Variants in MTA2 observed in about 807,000 individuals in gnomAD.
MTA2 encodes the protein metastasis associated 1 family member 2.
In MTA2, 22 loss-of-function variants were observed where a neutral mutation model predicts 87.1. The ratio of observed to expected loss-of-function variants is 0.25; its 90% CI spans 0.18 to 0.36. The LOEUF (loss-of-function observed/expected upper bound fraction) is 0.36. Ranked by LOEUF, MTA2 falls within the 10% of genes least tolerant of loss-of-function variation. The pLI is 1.00. For missense variants in MTA2, 542 were observed against 853.2 expected, an observed-to-expected ratio of 0.64 and a Z score of 4.54; for synonymous variants, 314 against 310.1, an observed-to-expected ratio of 1.01 and a Z score of -0.13.
At position 62,595,809 on chromosome 11, in the gene MTA2, C is replaced by T; in HGVS notation, c.1197G>A (p.Lys399=). The change falls in exon 13 of 18, where the codon AAG becomes AAA. Residue 399 remains lysine, a synonymous_variant. Transcript: ENST00000278823. This position sits in a 1 kb window ranked among gnomAD's most constrained non-coding sequence, Gnocchi z 4.9. ...RLCASCWIYW[K]KYGGLKTPTQ... is the part of the protein sequence containing the mutation. ...TTGGGGTCTTCAGTCCCCCATACTT[C>T]TTCCAGTAGATCCAACAGGAAGCAC... 1.2e-6 allele frequency: 2 copies of T among 1,614,238 alleles called. No homozygotes were observed. Among genetic ancestry groups the T allele is most frequent in the Non-Finnish European group, 1.7e-6 (2 of 1,180,044 alleles).
Position 62,595,386 on chromosome 11 carries a change from A to C in MTA2, c.1361T>G (p.Phe454Cys). Reference protein sequence around the residue: ...AKLLAKNRQTFLLQTTKLTRL... With the variant: ...AKLLAKNRQTCLLQTTKLTRL... ...GGTCAGCTTTGTGGTCTGAAGCAGG[A>C]AAGTTTGTCTGTTCTTAGCCAGTAG... The change falls in exon 14 of 18, where the codon TTC (phenylalanine) becomes TGC (cysteine). Residue 454 changes from phenylalanine to cysteine, a missense_variant. Physicochemically the swap from Phe to Cys is radical, Grantham distance 205 (BLOSUM62 -2). Coordinates refer to ENST00000278823, the MANE Select transcript of MTA2 (RefSeq NM_004739.4). The surrounding 1 kb of genome is among the most constrained non-coding windows in gnomAD (Gnocchi z 4.9). 6.2e-7 allele frequency: 1 copy of C among 1,614,236 alleles called. No individual in the cohort carries two copies. Among genetic ancestry groups the C allele is most frequent in the Non-Finnish European group, 8.5e-7 (1 of 1,180,044 alleles).
At chr11:62,600,516 C>G (rs1011443274) in intron 2 of MTA2, 106 bp downstream of exon 2, 43 of 1,074,886 alleles carry the variant, frequency 4.0e-5, no homozygotes, top group Middle Eastern at 4.1e-4. Context: ...AATGAATGAA[C>G]GAATATGAAT....
chr11:62,600,374 A>C, intron 2 of MTA2, 115 bp from the exon 3 acceptor site: 2 of 947,046 alleles, frequency 2.1e-6, no homozygotes, highest in South Asian at 3.1e-5. Context: ...CCTAAATTAA[A>C]AAGCCCAAGA....
In MTA2 at chr11:62,595,670, A is replaced by T. The variant is rs1019209830; in HGVS notation, c.1254+82T>A. 1 of 1,575,426 alleles carries T rather than the reference A, an allele frequency of 6.3e-7. No homozygotes were observed. Among genetic ancestry groups the T allele is most frequent in the Non-Finnish European group, 8.6e-7 (1 of 1,157,226 alleles). ...TCCATCAAACCATCACCATATAAAG[A>T]GTTGAATATTCTGGCCTTCACCTAA... is the stretch of plus-strand genomic sequence containing the variant. On this transcript the variant is annotated intron_variant, in intron 13 of 17. Transcript: ENST00000278823. The surrounding 1 kb of genome is among the most constrained non-coding windows in gnomAD (Gnocchi z 4.9).
chr11:62,601,312 G>T, intron 1 of MTA2, 111 bp downstream of exon 1: 2 of 1,360,190 alleles, frequency 1.5e-6, no homozygotes, highest in Non-Finnish European at 2.0e-6. Context: ...TCCGCGCTCC[G>T]GTCCACGCTG....
At position 62,601,667 on chromosome 11, in the gene MTA2, G is replaced by C; in HGVS notation, c.-217C>G. On this transcript the variant is annotated 5_prime_UTR_variant, in exon 1 of 18. Transcript: ENST00000278823. ...TATCGCCTCACTCCCGGGACGCTGA[G>C]GCTGGCCCCCGTCCGCTCGGCTTCT... is the stretch of plus-strand genomic sequence containing the variant. 3.6e-6 allele frequency: 2 copies of C among 551,652 alleles called. No individual in the cohort carries two copies. The highest frequency in any genetic ancestry group is 6.2e-6 in the Non-Finnish European group (2 of 322,354). 34.2% of individuals were successfully genotyped at this position (551,652 alleles called of 1,614,324 possible). A position where few individuals can be genotyped will look rare whatever the true frequency, so the allele number is the denominator to read the frequency against.
At chr11:62,596,865 T>C in intron 8 of MTA2, 40 bp from the exon 9 acceptor site, 2 of 1,561,982 alleles carry the variant, frequency 1.3e-6, no homozygotes, top group Non-Finnish European at 1.7e-6. Flanking sequence ...CCTGAAACTT[T>C]TGGCACCACT....
In MTA2 at chr11:62,601,581, C is replaced by T. The variant is rs1476041835; in HGVS notation, c.-131G>A. ...GGAGTCTCACTGGGGCCCGCGCAGC[C>T]GGCACCTCCGCTGCCTCAGCCGTCG... On this transcript the variant is annotated 5_prime_UTR_variant, in exon 1 of 18. Coordinates refer to ENST00000278823, the MANE Select transcript of MTA2 (RefSeq NM_004739.4). The T allele has an allele frequency of 1.9e-6, 2 of 1,064,262 alleles. No individual in the cohort carries two copies. The highest frequency in any genetic ancestry group is 2.6e-6 in the Non-Finnish European group (2 of 767,966). The allele number at this position is 1,064,262 out of a possible 1,614,324, so 65.9% of individuals were successfully genotyped here.
chr11:62,597,945 A>G (rs1410481981), intron 6 of MTA2, 79 bp downstream of exon 6: 4 of 1,314,492 alleles, frequency 3.0e-6, no homozygotes, highest in Middle Eastern at 3.6e-4. Flanking sequence ...AGGTGACGCC[A>G]TTCACAGAGA....
In MTA2 at chr11:62,600,253, T is replaced by G. The variant is rs756330832; in HGVS notation, c.103A>C (p.Asn35His). The G allele has an allele frequency of 1.2e-6, 2 of 1,613,976 alleles. No individual in the cohort carries two copies. Among genetic ancestry groups the G allele is most frequent in the South Asian group, 1.1e-5 (1 of 91,084 alleles). Reference sequence around the variant, plus strand: ...ACAACCTTTGCCTCCACATTTCCATTTGCAGTCTAAGGGGAGGAAAAAAAC... The same window carrying G: ...ACAACCTTTGCCTCCACATTTCCATGTGCAGTCTAAGGGGAGGAAAAAAAC... ...RRIEELNKTA[N>H]GNVEAKVVCL... The change falls in exon 3 of 18, where the codon AAT (asparagine) becomes CAT (histidine). Residue 35 changes from asparagine (N) to histidine (H), a missense_variant. Asn to His is a moderately conservative substitution (Grantham distance 68). Transcript: ENST00000278823.
At position 62,594,411 on chromosome 11, in the gene MTA2, GA is replaced by G; in HGVS notation, c.1693-5del. ...AAGGAACCCCTGCCCCTGCCATCTG[GA>G]AAAGGGGTAGGATGGCACAATGAGG... On this transcript the variant is annotated splice_region_variant and splice_polypyrimidine_tract_variant and intron_variant, in intron 16 of 17. Coordinates refer to ENST00000278823, the MANE Select transcript of MTA2 (RefSeq NM_004739.4). The G allele has an allele frequency of 6.2e-7, 1 of 1,614,132 alleles. No homozygotes were observed. Among genetic ancestry groups the G allele is most frequent in the Non-Finnish European group, 8.5e-7 (1 of 1,180,022 alleles).
rs1755435763 is a variant in MTA2 at position 62,596,831 on chromosome 11, G to A, written c.694-6C>T. 2 of 1,592,078 alleles carry A rather than the reference G, an allele frequency of 1.3e-6. No homozygotes were observed. Among genetic ancestry groups the A allele is most frequent in the Non-Finnish European group, 8.5e-7 (1 of 1,169,840 alleles). ...AAGGTATCCATGGCGTGAAACTATG[G>A]GGAAGATGGAGAGCAACTGAGGACC... On this transcript the variant is annotated splice_region_variant and splice_polypyrimidine_tract_variant and intron_variant, in intron 8 of 17. Transcript: ENST00000278823.
rs1202461784 is a variant in MTA2 at position 62,598,159 on chromosome 11, C to A, written c.373-18G>T. 2 of 1,611,504 alleles carry A rather than the reference C, an allele frequency of 1.2e-6. No individual in the cohort carries two copies. Among genetic ancestry groups the A allele is most frequent in the African/African-American group, 1.3e-5 (1 of 74,938 alleles). ...AAGCAGTCCTGGAATTGGGGAGAGA[C>A]AAGGTAAGCAAGGCAGCAATCCACA... On this transcript the variant is annotated intron_variant, in intron 5 of 17. Transcript: ENST00000278823.
In MTA2 at chr11:62,593,727, G is replaced by A. The variant is rs2134321625; in HGVS notation, c.*148C>T. ...CAAGTCTCGAGGTGGTAACACCAGA[G>A]GGCGCCCAACCCCTCCAGGGACACA... is the stretch of plus-strand genomic sequence containing the variant. On this transcript the variant is annotated 3_prime_UTR_variant, in exon 18 of 18. Coordinates refer to ENST00000278823, the MANE Select transcript of MTA2 (RefSeq NM_004739.4). 2 of 956,604 alleles carry A rather than the reference G, an allele frequency of 2.1e-6. No individual in the cohort carries two copies. Among genetic ancestry groups the A allele is most frequent in the East Asian group, 5.3e-5 (2 of 37,430 alleles). The allele number at this position is 956,604 out of a possible 1,614,324, so 59.3% of individuals were successfully genotyped here. A position where few individuals can be genotyped will look rare whatever the true frequency, so the allele number is the denominator to read the frequency against.
At chr11:62,596,409 A>G in intron 10 of MTA2, 49 bp downstream of exon 10, 1 of 1,612,716 alleles carries the variant, frequency 6.2e-7, no homozygotes, top group Non-Finnish European at 8.5e-7. Context: ...CTTCAAAGGC[A>G]GAGGTCAGCA....
chr11:62,594,633 C>T lies in MTA2; in HGVS notation c.1575G>A (p.Val525=). ...LPLATIVKDL[V]AQAPLKPKTP... is the part of the protein sequence containing the mutation. ...TTTTTGGTTTCAGGGGTGCCTGGGCCACTGGAAAAAAACAGAAAACTTTCG... is the reference window on the plus strand; with the variant it reads ...TTTTTGGTTTCAGGGGTGCCTGGGCTACTGGAAAAAAACAGAAAACTTTCG... Residue 525 remains valine (V), a splice_region_variant and synonymous_variant, in exon 16 of 18, where the codon GTG becomes GTA. Transcript: ENST00000278823. 1 of 1,612,800 alleles carries T rather than the reference C, an allele frequency of 6.2e-7. No homozygotes were observed.
intron 1 of MTA2, 198 bp downstream of exon 1, chr11:62,601,225 C>T: frequency 1.5e-6 from 1 of 651,978 alleles, no homozygotes; most frequent in Non-Finnish European, 2.5e-6. Context: ...CCCGCAGCTT[C>T]TCTCTGGGAG....
chr11:62,597,710 C>G lies in MTA2; in HGVS notation c.493G>C (p.Glu165Gln), dbSNP rs772969797. 3 of 1,613,862 alleles carry G rather than the reference C, an allele frequency of 1.9e-6. No homozygotes were observed. The highest frequency in any genetic ancestry group is 1.1e-5 in the South Asian group (1 of 91,048). ...TTCTGCTGGTTCCGATTATCAGATT[C>G]TCCTGGGGAAAAGAACAATGGCATC... ...AEIPDRLVEG[E>Q]SDNRNQQKME... Residue 165 changes from glutamate to glutamine, a missense_variant and splice_region_variant, in exon 7 of 18, where the codon GAA (glutamate) becomes CAA (glutamine). This residue lies in a region of MTA2 where 150 missense variants were observed against 243.9 expected (regional missense o/e 0.62). Transcript: ENST00000278823.
intron 2 of MTA2, 173 bp downstream of exon 2, chr11:62,600,449 A>G: frequency 1.3e-6 from 1 of 797,742 alleles, no homozygotes; most frequent in Non-Finnish European, 2.0e-6. Flanking sequence ...CCCCCAAGAG[A>G]CAGAATAGTA....
Sources: allele counts gnomAD v4.1 joint callset, GRCh38; gene constraint gnomAD v4.1.1; regional missense constraint gnomAD v4.1.1; non-coding constraint Gnocchi (gnomAD v3.1); transcripts MANE v1.5; gene names NCBI Gene and HGNC (gene_info 2026-07-23, HGNC 2026-07-21).